The following AAGAB variants were observed in gnomAD, a reference collection of about 807,000 sequenced individuals.
AAGAB encodes alpha and gamma adaptin binding protein, also known as alpha- and gamma-adaptin-binding protein p34.
In AAGAB, 38 loss-of-function variants were observed where a neutral mutation model predicts 44.1. The ratio of observed to expected loss-of-function variants is 0.86; its 90% confidence interval spans 0.67 to 1.13. AAGAB has a LOEUF of 1.13. Among genes scored for constraint, AAGAB ranks in the 50% most tolerant of loss-of-function variants. AAGAB has a pLI of 0.00. For synonymous variants in AAGAB, 131 were observed against 131.8 expected, an observed-to-expected ratio of 0.99 and a Z score of 0.04; for missense variants, 450 against 373.8, an observed-to-expected ratio of 1.20 and a Z score of -1.68.
At chr15:67,228,038 T>C (rs924591797) in intron 5 of AAGAB, among the ~76,000 whole-genome samples, 4 of 152,224 alleles carry the variant, frequency 2.6e-5, no homozygotes, top group African/African-American at 4.8e-5. Flanking sequence ...TTTAAGAATA[T>C]TGTTTAGTGT....
intron 1 of AAGAB, chr15:67,242,691 A>C (rs1964631344): frequency 6.6e-6 from 1 of 152,234 alleles, no homozygotes; most frequent in Non-Finnish European, 1.5e-5. Flanking sequence ...GACTTTACAG[A>C]CAAATGTCAG....
intron 1 of AAGAB, among the ~76,000 whole-genome samples, chr15:67,252,232 C>G (rs564248133): frequency 7.9e-4 from 120 of 152,314 alleles, no homozygotes; most frequent in South Asian, 5.4e-3. Flanking sequence ...TTAAAGCACA[C>G]AACAGAGCAC....
chr15:67,226,895 A>G, intron 5 of AAGAB: 1 of 295,052 alleles, frequency 3.4e-6, no homozygotes, highest in South Asian at 3.0e-5. Flanking sequence ...TTACGTTTTT[A>G]ATTACCTAGA....
At chr15:67,240,358 G>A (rs1227264838) in intron 1 of AAGAB, among the ~76,000 whole-genome samples, 4 of 152,058 alleles carry the variant, frequency 2.6e-5, no homozygotes, top group Admixed American at 6.6e-5. Context: ...TGTAGACTCC[G>A]ATATGCACAA....
chr15:67,224,584 T>TC (rs1567021843), intron 5 of AAGAB, among the ~76,000 whole-genome samples: 1 of 150,792 alleles, frequency 6.6e-6, no homozygotes, highest in African/African-American at 2.4e-5. Context: ...CTTTTTCTTT[T>TC]CTTTTTTTTT....
At chr15:67,246,854 A>G (rs12591495) in intron 1 of AAGAB, among the ~76,000 whole-genome samples, 32,505 of 152,180 alleles carry the variant, frequency 0.21, 4,141 homozygotes, top group East Asian at 0.47. Flanking sequence ...AAAATGGACC[A>G]ATCAGCAGGA....
At chr15:67,253,662 G>A (rs562287608) in intron 1 of AAGAB, among the ~76,000 whole-genome samples, 1 of 152,132 alleles carries the variant, frequency 6.6e-6, no homozygotes, top group Non-Finnish European at 1.5e-5. Context: ...ACTGAGGCAG[G>A]AGGATCGCTT....
Position 67,241,175 on chromosome 15 carries a change from T to C in AAGAB, c.74-4355A>G, listed in dbSNP as rs369246304. Among the ~76,000 whole-genome samples, 12 of 152,332 alleles carry C rather than the reference T, an allele frequency of 7.9e-5. No homozygotes were observed. In the South Asian group the frequency reaches 1.0e-3, roughly 13 times the overall value. ...ATGCATTCTAAACTAGGCATGTTGA[T>C]ACTGTTATGGATTTTTTGTGTCTCC... On this transcript the variant is annotated intron_variant, in intron 1 of 9. Transcript: ENST00000261880.
At chr15:67,236,603 A>C in intron 2 of AAGAB, 27 bp downstream of exon 2, 2 of 1,608,080 alleles carry the variant, frequency 1.2e-6, no homozygotes, top group Non-Finnish European at 1.7e-6. Context: ...TTTCTTATTC[A>C]AGCCTTCATA....
chr15:67,220,890 A>G (rs141252351), intron 5 of AAGAB: 1 of 152,316 alleles, frequency 6.6e-6, no homozygotes, highest in East Asian at 1.9e-4. Flanking sequence ...CTCTTAATAT[A>G]AAGTACTCCA....
chr15:67,240,867 T>C (rs556217127), intron 1 of AAGAB, among the ~76,000 whole-genome samples: 2 of 152,324 alleles, frequency 1.3e-5, no homozygotes, highest in Admixed American at 6.5e-5. Context: ...ATCCTAATAA[T>C]GATCCTTCCC....
In AAGAB at chr15:67,222,034, C is replaced by T. The variant is rs559313517; in HGVS notation, c.535+9780G>A. 8.5e-5 allele frequency among the ~76,000 whole-genome samples: 13 copies of T among 152,288 alleles called. No individual in the cohort carries two copies. The East Asian group carries it at 2.5e-3, about 29-fold the overall frequency. On this transcript the variant is annotated intron_variant, in intron 5 of 9. Transcript: ENST00000261880. ...GTACCTTAACCCAATTATCCTTCAA[C>T]TGCACCAGGACTCAAAACTACCATC...
intron 5 of AAGAB, among the ~76,000 whole-genome samples, chr15:67,222,517 C>T (rs1964106845): frequency 2.0e-5 from 3 of 152,086 alleles, no homozygotes; most frequent in Admixed American, 1.3e-4. Context: ...TTTATGCAAT[C>T]AGAAGAAACT....
At chr15:67,224,632 G>A (rs1964161645) in intron 5 of AAGAB, among the ~76,000 whole-genome samples, 1 of 147,872 alleles carries the variant, frequency 6.8e-6, no homozygotes, top group Non-Finnish European at 1.5e-5. Context: ...CCAGGCTGGA[G>A]TGCAGTGGCG....
chr15:67,211,835 C>G (rs999796250), intron 5 of AAGAB, among the ~76,000 whole-genome samples: 14 of 152,058 alleles, frequency 9.2e-5, no homozygotes, highest in African/African-American at 3.1e-4. Context: ...AATACAATGT[C>G]AGTTTATGCA....
intron 5 of AAGAB, chr15:67,226,929 T>C (rs909507983): frequency 2.4e-5 from 7 of 293,084 alleles, no homozygotes; most frequent in Non-Finnish European, 4.9e-5. Context: ...TATTTGACCT[T>C]TGAATATCAA....
At chr15:67,236,099 G>A (rs780506245) in intron 3 of AAGAB, 31 bp from the exon 4 acceptor site, 4 of 1,498,716 alleles carry the variant, frequency 2.7e-6, no homozygotes, top group East Asian at 2.3e-5. Context: ...ATCTTCATAA[G>A]TAAAAAGAAA....
intron 5 of AAGAB, among the ~76,000 whole-genome samples, chr15:67,222,809 T>A (rs1291484887): frequency 2.0e-5 from 3 of 152,192 alleles, no homozygotes; most frequent in African/African-American, 7.2e-5. Flanking sequence ...CTCCACCACA[T>A]TTTTCTCTCC....
At position 67,203,573 on chromosome 15, in the gene AAGAB, T is replaced by C; in HGVS notation, c.845A>G (p.Glu282Gly). 1.9e-6 allele frequency: 3 copies of C among 1,613,804 alleles called. No homozygotes were observed. The highest frequency in any genetic ancestry group is 2.5e-6 in the Non-Finnish European group (3 of 1,179,856). The change falls in exon 9 of 10, where the codon GAG becomes GGG. Residue 282 changes from glutamate to glycine, a missense_variant. By Grantham distance (98) the Glu-to-Gly change is moderately conservative. Coordinates refer to ENST00000261880, the MANE Select transcript of AAGAB (RefSeq NM_024666.5). ...MKDKAATLPH[E>G]QRKVHAEKVA... ...CTTTTCTGCATGCACTTTTCTTTGC[T>C]CATGAGGAAGCGTCGCAGCCTTGTC...
Sources: gnomAD v4.1 joint callset for allele counts (sites outside exome capture counted in the v4.1 genomes callset) on GRCh38, gnomAD v4.1.1 for gene constraint, MANE v1.5 for transcripts, NCBI Gene and HGNC (gene_info 2026-07-23, HGNC 2026-07-21) for gene names.